EDIL3: variants seen among roughly 807,000 people sequenced by gnomAD.
EDIL3 encodes the protein EGF-like repeat and discoidin I-like domain-containing protein 3.
A neutral mutation model predicts 67.4 loss-of-function variants in EDIL3; 37 were observed. The ratio of observed to expected loss-of-function variants is 0.55; its 90% CI spans 0.42 to 0.72. EDIL3 has a LOEUF of 0.72. EDIL3 is among the 30% of genes least tolerant of loss of function. The pLI, the probability that EDIL3 is intolerant of heterozygous loss-of-function variation, is 0.00. For synonymous variants in EDIL3, 195 were observed against 196.3 expected (o/e 0.99, Z 0.05); for missense variants, 527 against 586.3 (o/e 0.90, Z 1.04).
intron 1 of EDIL3, among the ~76,000 whole-genome samples, chr5:84,372,575 T>A (rs1305398247): frequency 1.3e-5 from 2 of 152,166 alleles, no homozygotes; most frequent in Non-Finnish European, 2.9e-5. Flanking sequence ...ACTGCAGAAA[T>A]CTTCCTATCC....
At chr5:84,225,235 C>T (rs1313944449) in intron 3 of EDIL3, among the ~76,000 whole-genome samples, 1 of 151,574 alleles carries the variant, frequency 6.6e-6, no homozygotes, top group Non-Finnish European at 1.5e-5. Context: ...TGCATGCCTA[C>T]TATTAGAAAT....
At chr5:84,004,454 T>C (rs58174370) in intron 9 of EDIL3, among the ~76,000 whole-genome samples, 19,873 of 151,544 alleles carry the variant, frequency 0.13, 3,263 homozygotes, top group African/African-American at 0.39. Flanking sequence ...TAAAAAAAAA[T>C]CCAAAATTAT....
At chr5:84,218,123 A>G (rs1384965397) in intron 3 of EDIL3, among the ~76,000 whole-genome samples, 2 of 152,208 alleles carry the variant, frequency 1.3e-5, no homozygotes, top group African/African-American at 4.8e-5. Flanking sequence ...GTAGCAACAT[A>G]TAAACAAATA....
intron 2 of EDIL3, 50 bp from the exon 3 acceptor site, chr5:84,229,934 G>A: frequency 7.0e-7 from 1 of 1,418,802 alleles, no homozygotes; most frequent in Non-Finnish European, 9.7e-7. Context: ...AGTGAAGGGA[G>A]GGAGAAGGGG....
At chr5:83,983,174 T>C (rs543149804) in intron 9 of EDIL3, among the ~76,000 whole-genome samples, 2 of 152,284 alleles carry the variant, frequency 1.3e-5, no homozygotes, top group South Asian at 2.1e-4. Flanking sequence ...GTCTCTTTAG[T>C]ATATCCTTCC....
intron 1 of EDIL3, among the ~76,000 whole-genome samples, chr5:84,327,424 T>C (rs1251579460): frequency 6.6e-6 from 1 of 152,030 alleles, no homozygotes; most frequent in Admixed American, 6.6e-5. Context: ...GCCTTTTTCA[T>C]GCTTTTGACT....
intron 9 of EDIL3, among the ~76,000 whole-genome samples, chr5:84,006,085 TAA>T (rs1290635404): frequency 6.8e-6 from 1 of 147,556 alleles, no homozygotes; most frequent in Non-Finnish European, 1.5e-5. Flanking sequence ...GCATTAATAA[TAA>T]TAATAATAAT....
chr5:84,340,282 G>C (rs1270325470), intron 1 of EDIL3, among the ~76,000 whole-genome samples: 1 of 151,586 alleles, frequency 6.6e-6, no homozygotes, highest in Non-Finnish European at 1.5e-5. Context: ...ACTGACTCTG[G>C]AACTGAGCAG....
At chr5:84,157,275 C>G (rs1052821487) in intron 4 of EDIL3, among the ~76,000 whole-genome samples, 1 of 151,864 alleles carries the variant, frequency 6.6e-6, no homozygotes, top group African/African-American at 2.4e-5. Context: ...CCCCAAGACA[C>G]GTTTACCTAT....
intron 1 of EDIL3, among the ~76,000 whole-genome samples, chr5:84,358,419 C>T (rs1003589562): frequency 6.6e-6 from 1 of 151,750 alleles, no homozygotes. Flanking sequence ...TATTGTGCCA[C>T]GATATATTGA....
chr5:83,957,819 A>G (rs1744540054), intron 10 of EDIL3, among the ~76,000 whole-genome samples: 1 of 151,658 alleles, frequency 6.6e-6, no homozygotes, highest in Non-Finnish European at 1.5e-5. Context: ...TTCCACCTTT[A>G]CTGAGCTTCT....
At chr5:84,137,723 C>T (rs1000711741) in intron 4 of EDIL3, among the ~76,000 whole-genome samples, 4 of 151,810 alleles carry the variant, frequency 2.6e-5, no homozygotes, top group African/African-American at 9.7e-5. Flanking sequence ...GAGAAACCTC[C>T]CCTGCAGCAA....
intron 4 of EDIL3, among the ~76,000 whole-genome samples, chr5:84,144,680 A>G (rs910854866): frequency 1.8e-4 from 28 of 151,918 alleles, no homozygotes; most frequent in African/African-American, 6.3e-4. Flanking sequence ...TCTAAGAGTG[A>G]CTCCTCATTG....
intron 4 of EDIL3, among the ~76,000 whole-genome samples, chr5:84,176,340 A>T (rs1198574437): frequency 6.8e-6 from 1 of 146,592 alleles, no homozygotes; most frequent in Non-Finnish European, 1.5e-5. Context: ...GGAGCCTTTT[A>T]TCTTGAGCTA....
At chr5:84,151,760 T>G (rs1748398418) in intron 4 of EDIL3, among the ~76,000 whole-genome samples, 1 of 152,172 alleles carries the variant, frequency 6.6e-6, no homozygotes, top group African/African-American at 2.4e-5. Context: ...CTTCCCTAAC[T>G]GTTCTTTTCC....
chr5:83,993,467 A>G (rs1745185673), intron 9 of EDIL3, among the ~76,000 whole-genome samples: 3 of 152,224 alleles, frequency 2.0e-5, no homozygotes, highest in African/African-American at 7.2e-5. Flanking sequence ...TGACAAAGTG[A>G]TATTTTATTT....
Position 83,963,237 on chromosome 5 carries a change from C to G in EDIL3, c.1261G>C (p.Val421Leu). Reference sequence around the variant, plus strand: ...TTTCTTTGCTTTTCATCCTGGTATACAGTCCAGTGTTCTCCATCATTGCTG... The same window carrying G: ...TTTCTTTGCTTTTCATCCTGGTATAGAGTCCAGTGTTCTCCATCATTGCTG... ...AYSNDGEHWT[V>L]YQDEKQRKDK... Residue 421 changes from valine (V) to leucine (L), a missense_variant, in exon 10 of 11, where the codon GTA becomes CTA. This residue lies in a region of EDIL3 where 494 missense variants were observed against 522.5 expected (regional missense o/e 0.95). Coordinates refer to ENST00000296591, the MANE Select transcript of EDIL3 (RefSeq NM_005711.5). 1 of 1,605,940 alleles carries G rather than the reference C, an allele frequency of 6.2e-7. No homozygotes were observed. Among genetic ancestry groups the G allele is most frequent in the East Asian group, 2.2e-5 (1 of 44,482 alleles).
intron 6 of EDIL3, among the ~76,000 whole-genome samples, chr5:84,067,112 AAAAC>A (rs1746656413): frequency 6.6e-6 from 1 of 152,196 alleles, no homozygotes; most frequent in South Asian, 2.1e-4. Context: ...GTCCAAACCA[AAAAC>A]AAACAAGTAT....
chr5:84,353,471 A>G (rs1580096227), intron 1 of EDIL3, among the ~76,000 whole-genome samples: 1 of 152,238 alleles, frequency 6.6e-6, no homozygotes, highest in Non-Finnish European at 1.5e-5. Flanking sequence ...TCTAGGATAA[A>G]GACATTTTAA....
Sources: gnomAD v4.1 joint callset for allele counts (sites outside exome capture counted in the v4.1 genomes callset) on GRCh38, gnomAD v4.1.1 for gene constraint, gnomAD v4.1.1 regional missense constraint, MANE v1.5 for transcripts, NCBI Gene and HGNC (gene_info 2026-07-23, HGNC 2026-07-21) for gene names.